The following ENOX1 variants were observed in gnomAD, a reference collection of about 807,000 sequenced individuals.
ENOX1 encodes candidate growth-related and time keeping constitutive hydroquinone (NADH) oxidase.
In ENOX1, 42 loss-of-function variants were observed where a neutral mutation model predicts 82.5. That is an observed-to-expected ratio of 0.51 (90% confidence interval 0.40 to 0.66). ENOX1 has a LOEUF of 0.66. ENOX1 is among the 30% of genes least tolerant of loss of function. The pLI, the probability that ENOX1 is intolerant of heterozygous loss-of-function variation, is 0.00. For synonymous variants in ENOX1, 271 were observed against 282.2 expected (o/e 0.96, Z 0.40); for missense variants, 608 against 811.6 (o/e 0.75, Z 3.05).
chr13:43,678,463 A>G (rs1333876520), intron 1 of ENOX1, among the ~76,000 whole-genome samples: 3 of 152,156 alleles, frequency 2.0e-5, no homozygotes, highest in Non-Finnish European at 4.4e-5. Context: ...TGGTTTTCAA[A>G]TATTTGTTGA....
chr13:43,502,725 C>T (rs1326135823), intron 2 of ENOX1, among the ~76,000 whole-genome samples: 2 of 151,464 alleles, frequency 1.3e-5, no homozygotes, highest in Non-Finnish European at 3.0e-5. Flanking sequence ...AAAGGCCTTA[C>T]ATGAAAAGCC....
chr13:43,478,280 T>C (rs2058373217), intron 3 of ENOX1, among the ~76,000 whole-genome samples: 1 of 152,148 alleles, frequency 6.6e-6, no homozygotes. Flanking sequence ...CATATTGATC[T>C]ATAATTTTCA....
chr13:43,528,605 G>A (rs2078080138), intron 2 of ENOX1, among the ~76,000 whole-genome samples: 1 of 151,910 alleles, frequency 6.6e-6, no homozygotes, highest in South Asian at 2.1e-4. Flanking sequence ...CTCTTATCTT[G>A]CCTTTGAATA....
chr13:43,330,777 C>T (rs776399905), intron 9 of ENOX1, among the ~76,000 whole-genome samples: 1 of 152,184 alleles, frequency 6.6e-6, no homozygotes, highest in Non-Finnish European at 1.5e-5. Context: ...CACAGAGCTG[C>T]AAACCCTCAC....
chr13:43,440,003 C>T lies in ENOX1; in HGVS notation c.-74-27015G>A, dbSNP rs556056527. On this transcript the variant is annotated intron_variant, in intron 3 of 16. Transcript: ENST00000690772. ...TGTTTATATATATGTATATTTTTTA[C>T]CTCGAGGAAACCTTTGACTCCCAAA... Among the ~76,000 whole-genome samples, 5 of 152,254 alleles carry T rather than the reference C, an allele frequency of 3.3e-5. No individual in the cohort carries two copies. In the East Asian group the frequency reaches 7.7e-4, roughly 23 times the overall value.
At chr13:43,532,153 A>C (rs2078258813) in intron 2 of ENOX1, among the ~76,000 whole-genome samples, 1 of 152,132 alleles carries the variant, frequency 6.6e-6, no homozygotes, top group African/African-American at 2.4e-5. Flanking sequence ...GCTCTGTTAA[A>C]ATAAAGAAAA....
intron 2 of ENOX1, among the ~76,000 whole-genome samples, chr13:43,575,061 G>A (rs1193377789): frequency 6.6e-6 from 1 of 152,160 alleles, no homozygotes; most frequent in Non-Finnish European, 1.5e-5. Context: ...TTTAAAATTT[G>A]CTTTAAGCAC....
At chr13:43,385,920 C>A (rs774036293) in intron 5 of ENOX1, among the ~76,000 whole-genome samples, 1 of 152,118 alleles carries the variant, frequency 6.6e-6, no homozygotes, top group Non-Finnish European at 1.5e-5. Context: ...AATCCCAGCA[C>A]TTTGGGAGGC....
At chr13:43,434,027 G>A (rs555274129) in intron 3 of ENOX1, among the ~76,000 whole-genome samples, 7 of 152,326 alleles carry the variant, frequency 4.6e-5, no homozygotes, top group Admixed American at 4.6e-4. Context: ...ACTGGAGGGA[G>A]CCTCAATCCA....
At chr13:43,672,348 C>T (rs2085307664) in intron 1 of ENOX1, among the ~76,000 whole-genome samples, 1 of 152,108 alleles carries the variant, frequency 6.6e-6, no homozygotes, top group Admixed American at 6.6e-5. Context: ...TAAATCTCTC[C>T]TACTTTATTA....
chr13:43,565,529 G>A (rs559464494), intron 2 of ENOX1, among the ~76,000 whole-genome samples: 2 of 152,196 alleles, frequency 1.3e-5, no homozygotes, highest in South Asian at 2.1e-4. Flanking sequence ...GTGAGGAAAG[G>A]GAAAGGACTA....
chr13:43,503,349 T>C (rs1387069497), intron 2 of ENOX1, among the ~76,000 whole-genome samples: 1 of 151,742 alleles, frequency 6.6e-6, no homozygotes, highest in African/African-American at 2.4e-5. Flanking sequence ...TCTATCAGAA[T>C]CCCAGTGGCA....
At chr13:43,322,905 G>A (rs776201876) in intron 10 of ENOX1, among the ~76,000 whole-genome samples, 13 of 152,168 alleles carry the variant, frequency 8.5e-5, no homozygotes, top group Non-Finnish European at 1.6e-4. Context: ...AAAATGGACT[G>A]TTCTACCACT....
chr13:43,698,746 G>T (rs991127737), intron 1 of ENOX1, among the ~76,000 whole-genome samples: 2 of 152,090 alleles, frequency 1.3e-5, no homozygotes, highest in African/African-American at 4.8e-5. Flanking sequence ...AATAGCACAT[G>T]TCAAGTCTCT....
At chr13:43,301,545 A>T (rs1456124504) in intron 11 of ENOX1, among the ~76,000 whole-genome samples, 1 of 147,872 alleles carries the variant, frequency 6.8e-6, no homozygotes, top group Admixed American at 7.0e-5. Context: ...TGATATCATC[A>T]TATTAAAAAA....
intron 5 of ENOX1, among the ~76,000 whole-genome samples, chr13:43,375,176 C>A (rs1196251433): frequency 6.7e-6 from 1 of 150,232 alleles, no homozygotes; most frequent in African/African-American, 2.5e-5. Context: ...AAAGAGAATT[C>A]AATATATTCA....
intron 9 of ENOX1, among the ~76,000 whole-genome samples, chr13:43,331,426 A>T (rs2048402480): frequency 6.6e-6 from 1 of 152,106 alleles, no homozygotes; most frequent in Non-Finnish European, 1.5e-5. Context: ...AAATCTTCCA[A>T]GCTTAGTTTT....
chr13:43,568,457 G>A (rs916054229), intron 2 of ENOX1, among the ~76,000 whole-genome samples: 52 of 152,178 alleles, frequency 3.4e-4, no homozygotes, highest in Non-Finnish European at 1.2e-4. Flanking sequence ...GTCATTAAGT[G>A]TGAGAAAATA....
chr13:43,365,547 C>A (rs1018901466), intron 5 of ENOX1, among the ~76,000 whole-genome samples: 2 of 149,348 alleles, frequency 1.3e-5, no homozygotes, highest in Non-Finnish European at 2.9e-5. Context: ...GCCTGCACCC[C>A]CTGGTCCAGG....
Sources: allele counts gnomAD v4.1 joint callset (sites outside exome capture counted in the v4.1 genomes callset), GRCh38; gene constraint gnomAD v4.1.1; transcripts MANE v1.5; gene names NCBI Gene and HGNC (gene_info 2026-07-23, HGNC 2026-07-21).